Variants in CSGALNACT1 observed in about 807,000 individuals in gnomAD.
CSGALNACT1 encodes chondroitin sulfate N-acetylgalactosaminyltransferase 1.
A neutral mutation model predicts 51.0 loss-of-function variants in CSGALNACT1; 52 were observed. The observed-to-expected ratio is 1.02, with a 90% CI of 0.82 to 1.29. CSGALNACT1 has a LOEUF of 1.29. Ranked by LOEUF, CSGALNACT1 falls within the 50% of genes most tolerant of loss-of-function variation. The pLI, the probability that CSGALNACT1 is intolerant of heterozygous loss-of-function variation, is 0.00. For missense variants in CSGALNACT1, 935 were observed against 679.2 expected (o/e 1.38, Z -4.19); for synonymous variants, 341 against 254.4 (o/e 1.34, Z -3.24).
intron 1 of CSGALNACT1, among the ~76,000 whole-genome samples, chr8:19,618,062 A>G (rs1024641332): frequency 1.3e-5 from 2 of 151,412 alleles, no homozygotes; most frequent in Non-Finnish European, 2.9e-5. Context: ...TTTTTCCTGT[A>G]GAGATGGGGT....
At chr8:19,544,023 C>T (rs951631472) in intron 3 of CSGALNACT1, among the ~76,000 whole-genome samples, 2 of 152,036 alleles carry the variant, frequency 1.3e-5, no homozygotes, top group African/African-American at 4.8e-5. Flanking sequence ...TCACGAAATA[C>T]ATCATAGCCT....
At chr8:19,633,723 G>A (rs188409374) in intron 1 of CSGALNACT1, among the ~76,000 whole-genome samples, 126 of 152,348 alleles carry the variant, frequency 8.3e-4, no homozygotes, top group African/African-American at 2.8e-3. Flanking sequence ...CTCCAGGACT[G>A]TGAGACGGTA....
At chr8:19,405,914 G>C (rs1475561108) in exon 10 of CSGALNACT1, 1 of 1,614,020 alleles carries the variant, frequency 6.2e-7, no homozygotes, top group Admixed American at 1.7e-5. Context: ...ATCTTGTACT[G>C]CTCGGGGGTC....
intron 1 of CSGALNACT1, among the ~76,000 whole-genome samples, chr8:19,655,851 T>A (rs1029530597): frequency 6.6e-6 from 1 of 152,102 alleles, no homozygotes; most frequent in African/African-American, 2.4e-5. Context: ...CAGCTCTCAG[T>A]CTGGTAATAG....
At chr8:19,513,736 C>A (rs2154020038) in intron 3 of CSGALNACT1, among the ~76,000 whole-genome samples, 3 of 152,046 alleles carry the variant, frequency 2.0e-5, no homozygotes, top group Admixed American at 2.0e-4. Flanking sequence ...TGCTTCTAGG[C>A]TAACAAACCT....
intron 1 of CSGALNACT1, among the ~76,000 whole-genome samples, chr8:19,656,041 G>A (rs1167040626): frequency 2.0e-5 from 3 of 152,124 alleles, no homozygotes; most frequent in African/African-American, 4.8e-5. Flanking sequence ...CAGAATGGAA[G>A]GGGGTACATC....
At chr8:19,721,030 G>T (rs2063098162) in intron 1 of CSGALNACT1, among the ~76,000 whole-genome samples, 1 of 152,170 alleles carries the variant, frequency 6.6e-6, no homozygotes, top group South Asian at 2.1e-4. Context: ...ACCACACTAG[G>T]TGACAATAAA....
At chr8:19,515,240 T>A (rs561251307) in intron 3 of CSGALNACT1, among the ~76,000 whole-genome samples, 67 of 152,278 alleles carry the variant, frequency 4.4e-4, no homozygotes, top group East Asian at 3.9e-4. Flanking sequence ...GCACCTGCTG[T>A]CAGGCCATGT....
intron 1 of CSGALNACT1, chr8:19,641,814 G>C (rs969320979): frequency 6.6e-6 from 1 of 152,198 alleles, no homozygotes; most frequent in Non-Finnish European, 1.5e-5. Flanking sequence ...CCTTCTGGTT[G>C]TTGGCCGGGG....
intron 4 of CSGALNACT1, among the ~76,000 whole-genome samples, chr8:19,503,303 T>C (rs4922048): frequency 0.54 from 82,576 of 152,110 alleles, 24,214 homozygotes; most frequent in East Asian, 0.83. Context: ...AGCTATAATG[T>C]GTCTCTAAAA....
intron 1 of CSGALNACT1, among the ~76,000 whole-genome samples, chr8:19,679,402 A>T (rs1366005801): frequency 6.6e-6 from 1 of 152,098 alleles, no homozygotes; most frequent in Non-Finnish European, 1.5e-5. Context: ...GGCTGCAATG[A>T]GCCATGATCA....
At chr8:19,723,805 T>C (rs2063255378) in intron 1 of CSGALNACT1, among the ~76,000 whole-genome samples, 1 of 152,184 alleles carries the variant, frequency 6.6e-6, no homozygotes, top group African/African-American at 2.4e-5. Flanking sequence ...TATATTACAA[T>C]CTGTAGACAG....
intron 1 of CSGALNACT1, among the ~76,000 whole-genome samples, chr8:19,737,655 T>C (rs762693064): frequency 3.3e-5 from 5 of 151,336 alleles, no homozygotes; most frequent in Non-Finnish European, 7.4e-5. Flanking sequence ...AAATGAAACA[T>C]AAAAGAAGTA....
intron 1 of CSGALNACT1, among the ~76,000 whole-genome samples, chr8:19,618,353 G>C (rs955093411): frequency 6.6e-6 from 1 of 152,008 alleles, no homozygotes; most frequent in South Asian, 2.1e-4. Flanking sequence ...GAAAACCTTA[G>C]TAATTGGCAG....
chr8:19,652,461 T>C (rs1291502218), intron 1 of CSGALNACT1, among the ~76,000 whole-genome samples: 3 of 152,178 alleles, frequency 2.0e-5, no homozygotes, highest in Non-Finnish European at 4.4e-5. Context: ...CTCCATCCCT[T>C]CTAATTCACT....
intron 6 of CSGALNACT1, among the ~76,000 whole-genome samples, chr8:19,433,537 T>C (rs2059946745): frequency 6.6e-6 from 1 of 152,244 alleles, no homozygotes; most frequent in Non-Finnish European, 1.5e-5. Flanking sequence ...AGTTAAACAC[T>C]TCCTATAATT....
intron 1 of CSGALNACT1, among the ~76,000 whole-genome samples, chr8:19,722,791 G>A (rs2063198455): frequency 1.3e-5 from 2 of 152,184 alleles, no homozygotes; most frequent in African/African-American, 2.4e-5. Flanking sequence ...CTCCTCTTTT[G>A]CAATAGGAAT....
chr8:19,573,663 C>T (rs1377289831), intron 3 of CSGALNACT1, among the ~76,000 whole-genome samples: 2 of 152,034 alleles, frequency 1.3e-5, no homozygotes, highest in Non-Finnish European at 2.9e-5. Context: ...AGGCTGGTCT[C>T]GAACTTCTGA....
rs544585647 is a variant in CSGALNACT1 at position 19,468,584 on chromosome 8, T to G, written c.635-9942A>C. ...GAGAGCAACAAGGAAAGAACCACGA[T>G]GGTTTAGCAGGAAATGACAAGAGCC... On this transcript the variant is annotated intron_variant, in intron 4 of 9. Transcript: ENST00000454498. 2.6e-5 allele frequency among the ~76,000 whole-genome samples: 4 copies of G among 152,028 alleles called. No individual in the cohort carries two copies. The South Asian group carries it at 8.3e-4, about 32-fold the overall frequency.
Sources: allele counts gnomAD v4.1 joint callset (sites outside exome capture counted in the v4.1 genomes callset), GRCh38; gene constraint gnomAD v4.1.1; transcripts MANE v1.5; gene names NCBI Gene and HGNC (gene_info 2026-07-23, HGNC 2026-07-21).